ATP10B: variants seen among roughly 807,000 people sequenced by gnomAD.
The protein encoded by ATP10B is ATPase phospholipid transporting 10B (putative).
Under a neutral mutation model 141.2 loss-of-function variants are expected in ATP10B, and 122 were observed. That is an observed-to-expected ratio of 0.86 (90% confidence interval 0.75 to 1.00). The LOEUF (loss-of-function observed/expected upper bound fraction) is 1.00. ATP10B is among the 50% of genes least tolerant of loss of function. ATP10B has a pLI of 0.00. For synonymous variants in ATP10B, 685 were observed against 692.0 expected, an observed-to-expected ratio of 0.99 and a Z score of 0.16; for missense variants, 1,876 against 1,825.3, an observed-to-expected ratio of 1.03 and a Z score of -0.51.
intron 1 of ATP10B, among the ~76,000 whole-genome samples, chr5:160,842,798 T>TA (rs1775885692): frequency 1.3e-5 from 2 of 151,468 alleles, no homozygotes; most frequent in Non-Finnish European, 2.9e-5. Context: ...ATTCATTATT[T>TA]AAAACATTCC....
chr5:160,682,394 T>G (rs1419585552), intron 6 of ATP10B, among the ~76,000 whole-genome samples: 2 of 152,216 alleles, frequency 1.3e-5, no homozygotes, highest in African/African-American at 4.8e-5. Flanking sequence ...TCCCTGCCAG[T>G]GAGCTGGTGG....
At chr5:160,777,369 C>CT (rs1770410029) in intron 2 of ATP10B, among the ~76,000 whole-genome samples, 1 of 152,274 alleles carries the variant, frequency 6.6e-6, no homozygotes, top group Middle Eastern at 3.4e-3. Flanking sequence ...CTGCCCTACC[C>CT]TCCTATTAAT....
At chr5:160,795,863 G>T (rs1436434438) in intron 1 of ATP10B, among the ~76,000 whole-genome samples, 1 of 152,140 alleles carries the variant, frequency 6.6e-6, no homozygotes, top group African/African-American at 2.4e-5. Flanking sequence ...GGCTCTGTGA[G>T]ATTTTAGACT....
At chr5:160,726,678 G>A (rs944564671) in intron 2 of ATP10B, among the ~76,000 whole-genome samples, 1 of 148,916 alleles carries the variant, frequency 6.7e-6, no homozygotes, top group Non-Finnish European at 1.5e-5. Flanking sequence ...AAGGAGTAGG[G>A]GGGGAGGAGG....
intron 1 of ATP10B, among the ~76,000 whole-genome samples, chr5:160,832,826 C>T (rs1027391329): frequency 6.6e-6 from 1 of 152,104 alleles, no homozygotes; most frequent in African/African-American, 2.4e-5. Flanking sequence ...AGAACAAAAC[C>T]TGCCATAGGT....
At chr5:160,723,215 T>C (rs2127784040) in intron 2 of ATP10B, among the ~76,000 whole-genome samples, 1 of 152,338 alleles carries the variant, frequency 6.6e-6, no homozygotes, top group Non-Finnish European at 1.5e-5. Flanking sequence ...TAAATATTCA[T>C]CGAGCATATA....
intron 1 of ATP10B, among the ~76,000 whole-genome samples, chr5:160,834,533 A>C (rs142095843): frequency 6.6e-6 from 1 of 152,156 alleles, no homozygotes; most frequent in Non-Finnish European, 1.5e-5. Flanking sequence ...TGCCTTTTTC[A>C]GGGCAACATT....
At chr5:160,638,399 T>C (rs1265671335) in intron 10 of ATP10B, among the ~76,000 whole-genome samples, 2 of 152,162 alleles carry the variant, frequency 1.3e-5, no homozygotes, top group African/African-American at 4.8e-5. Context: ...TGATATGCCC[T>C]GAAAAACCTG....
intron 3 of ATP10B, among the ~76,000 whole-genome samples, chr5:160,714,734 A>T (rs200381137): frequency 0.093 from 10,146 of 109,012 alleles, 628 homozygotes; most frequent in Middle Eastern, 0.11. Flanking sequence ...TTTTTTCCCC[A>T]TCTTTGTGGT....
At chr5:160,609,962 A>C (rs1432631783) in intron 18 of ATP10B, among the ~76,000 whole-genome samples, 1 of 152,130 alleles carries the variant, frequency 6.6e-6, no homozygotes, top group African/African-American at 2.4e-5. Context: ...TCATCTCTTA[A>C]TTTACTTATT....
At chr5:160,648,366 G>C (rs187510887) in intron 8 of ATP10B, among the ~76,000 whole-genome samples, 3 of 152,256 alleles carry the variant, frequency 2.0e-5, no homozygotes, top group African/African-American at 7.2e-5. Flanking sequence ...GTTAGGGTTA[G>C]TGTATTTTAT....
intron 13 of ATP10B, among the ~76,000 whole-genome samples, chr5:160,628,291 C>T (rs946058948): frequency 2.0e-5 from 3 of 151,558 alleles, no homozygotes; most frequent in East Asian, 1.9e-4. Flanking sequence ...AGGCTGGGTC[C>T]CCCCACCCCG....
In ATP10B at chr5:160,617,932, C is replaced by G. The variant is rs1485955276; in HGVS notation, c.2458G>C (p.Ala820Pro). The change falls in exon 16 of 26, where the codon GCC becomes CCC. Residue 820 changes from alanine to proline, a missense_variant. Transcript: ENST00000327245. ...NMEKKLRKIR[A>P]RTQKHLDLYA... Reference sequence around the variant, plus strand: ...AAGTCTAGATGCTTTTGGGTCCGGGCTCGGATTTTTCTCAGCTTCTTTTCC... The same window carrying G: ...AAGTCTAGATGCTTTTGGGTCCGGGGTCGGATTTTTCTCAGCTTCTTTTCC... The G allele has an allele frequency of 6.2e-7, 1 of 1,614,034 alleles. No individual in the cohort carries two copies. Among genetic ancestry groups the G allele is most frequent in the Non-Finnish European group, 8.5e-7 (1 of 1,180,010 alleles).
At chr5:160,760,071 C>T (rs7726599) in intron 2 of ATP10B, among the ~76,000 whole-genome samples, 38,607 of 151,982 alleles carry the variant, frequency 0.25, 5,857 homozygotes, top group East Asian at 0.42. Flanking sequence ...GAGGAAAGTA[C>T]CAAGAGTTTT....
the ATP10B span, among the ~76,000 whole-genome samples, chr5:160,906,758 C>G: frequency 1.3e-5 from 2 of 152,190 alleles, no homozygotes; most frequent in African/African-American, 4.8e-5. Context: ...CTCCTTCTTC[C>G]TCCTGCTCGA....
intron 22 of ATP10B, among the ~76,000 whole-genome samples, chr5:160,596,945 T>C (rs1756737840): frequency 6.6e-6 from 1 of 152,114 alleles, no homozygotes; most frequent in African/African-American, 2.4e-5. Flanking sequence ...GAAGAATCAA[T>C]ATTGTGAAAA....
At chr5:160,830,410 A>T (rs1438591092) in intron 1 of ATP10B, among the ~76,000 whole-genome samples, 1 of 152,138 alleles carries the variant, frequency 6.6e-6, no homozygotes, top group Non-Finnish European at 1.5e-5. Flanking sequence ...TGTTCAATAC[A>T]TGTGTGCTGA....
chr5:160,725,408 C>T lies in ATP10B; in HGVS notation c.-330-8374G>A, dbSNP rs527643828. 1.6e-3 allele frequency among the ~76,000 whole-genome samples: 242 copies of T among 151,980 alleles called. 1 individual carries two copies. Among genetic ancestry groups the T allele is most frequent in the African/African-American group, 5.5e-3 (226 of 41,450 alleles). ...TAAGGGCAGTGCATGAATGTTTCAT[C>T]GTCTTACCTAGATCTAATTTTCTGG... On this transcript the variant is annotated intron_variant, in intron 2 of 25. Coordinates refer to ENST00000327245, the MANE Select transcript of ATP10B (RefSeq NM_025153.3).
intron 9 of ATP10B, 23 bp from the exon 10 acceptor site, chr5:160,640,615 C>G: frequency 6.2e-7 from 1 of 1,613,300 alleles, no homozygotes; most frequent in Non-Finnish European, 8.5e-7. Flanking sequence ...ATGAGGAAAT[C>G]AGTCCCTTAG....
Sources: allele counts gnomAD v4.1 joint callset (sites outside exome capture counted in the v4.1 genomes callset), GRCh38; gene constraint gnomAD v4.1.1; transcripts MANE v1.5; gene names NCBI Gene and HGNC (gene_info 2026-07-23, HGNC 2026-07-21).